Variants in PRKCD observed in about 807,000 individuals in gnomAD.
PRKCD encodes the protein protein kinase C delta type.
A neutral mutation model predicts 82.2 loss-of-function variants in PRKCD; 20 were observed. The observed-to-expected ratio is 0.24, with a 90% CI of 0.17 to 0.35. The LOEUF (loss-of-function observed/expected upper bound fraction) is 0.35. Among genes scored for constraint, PRKCD ranks in the 10% least tolerant of loss-of-function variants. The pLI is 1.00. For missense variants in PRKCD, 607 were observed against 899.0 expected (o/e 0.68, Z 4.15); for synonymous variants, 317 against 337.0 (o/e 0.94, Z 0.65).
intron 7 of PRKCD, among the ~76,000 whole-genome samples, chr3:53,182,871 C>T (rs994379499): frequency 6.6e-6 from 1 of 152,194 alleles, no homozygotes; most frequent in Non-Finnish European, 1.5e-5. Context: ...ACCTCCCTGC[C>T]CACTAGGACT....
chr3:53,176,493 G>A (rs1368847048), intron 2 of PRKCD, among the ~76,000 whole-genome samples: 4 of 152,284 alleles, frequency 2.6e-5, no homozygotes, highest in Non-Finnish European at 5.9e-5. Flanking sequence ...GTGTGTGCAT[G>A]CACACGTGTG....
intron 2 of PRKCD, among the ~76,000 whole-genome samples, chr3:53,172,217 C>A (rs1187644786): frequency 6.6e-6 from 1 of 152,080 alleles, no homozygotes; most frequent in Non-Finnish European, 1.5e-5. Flanking sequence ...TCCCCTCCCA[C>A]CTCCTGTTCC....
At chr3:53,178,002 C>A (rs1290051173) in intron 2 of PRKCD, among the ~76,000 whole-genome samples, 4 of 143,810 alleles carry the variant, frequency 2.8e-5, no homozygotes, top group Non-Finnish European at 4.5e-5. Context: ...CTGGAGTGTA[C>A]TGGTGCGATC....
At position 53,185,669 on chromosome 3, in the gene PRKCD, G is replaced by C. The variant is rs868932219; in HGVS notation, c.954G>C (p.Lys318Asn). ...TTGGGATATATCAGGGTTTCGAGAAGAAGACCGGAGTTGCTGGGGAGGACA... is the reference window on the plus strand; with the variant it reads ...TTGGGATATATCAGGGTTTCGAGAACAAGACCGGAGTTGCTGGGGAGGACA... ...EPVGIYQGFE[K>N]KTGVAGEDMQ... The change falls in exon 11 of 19, where the codon AAG becomes AAC. Residue 318 changes from lysine (K) to asparagine (N), a missense_variant. Around this residue, in one of 5 missense-constraint regions of PRKCD, gnomAD observed 85 missense variants for 76.1 expected, o/e 1.12. Coordinates refer to ENST00000330452, the MANE Select transcript of PRKCD (RefSeq NM_006254.4). 1.9e-6 allele frequency: 3 copies of C among 1,612,640 alleles called. No individual in the cohort carries two copies. Among genetic ancestry groups the C allele is most frequent in the Non-Finnish European group, 2.5e-6 (3 of 1,180,022 alleles).
chr3:53,179,804 G>GTGTT (rs2107257744), intron 4 of PRKCD, 28 bp downstream of exon 4: 1 of 1,547,246 alleles, frequency 6.5e-7, no homozygotes, highest in Non-Finnish European at 8.7e-7. Context: ...CGTGCCGTGT[G>GTGTT]TGTGTGTGTG....
chr3:53,181,317 A>G, intron 5 of PRKCD, 50 bp downstream of exon 5: 1 of 1,610,416 alleles, frequency 6.2e-7, no homozygotes, highest in South Asian at 1.1e-5. Context: ...TCAGAGGCAG[A>G]GCCAGCACTG....
intron 11 of PRKCD, 106 bp downstream of exon 11, chr3:53,185,806 G>C: frequency 6.6e-7 from 1 of 1,516,922 alleles, no homozygotes; most frequent in Non-Finnish European, 9.2e-7. Context: ...AGGAACCACC[G>C]GTCCTGGGGA....
At chr3:53,161,494 C>T (rs1702657135) in intron 1 of PRKCD, 66 bp downstream of exon 1, 1 of 152,098 alleles carries the variant, frequency 6.6e-6, no homozygotes, top group South Asian at 2.1e-4. Context: ...CCTTCCTTCC[C>T]CCTTCCCGCC....
rs549885148 is a variant in PRKCD at position 53,167,251 on chromosome 3, C to T, written c.-20+2036C>T. 5.3e-5 allele frequency among the ~76,000 whole-genome samples: 8 copies of T among 152,304 alleles called. No individual in the cohort carries two copies. The East Asian group carries it at 9.6e-4, about 18-fold the overall frequency. On this transcript the variant is annotated intron_variant, in intron 2 of 18. Coordinates refer to ENST00000330452, the MANE Select transcript of PRKCD (RefSeq NM_006254.4). ...CTGCCTTGCCTGCCCAGGGGAGCAG[C>T]GTCTGGCCACCGGGTTAGGCTGACT... is the stretch of plus-strand genomic sequence containing the variant.
chr3:53,167,729 GTGGGACTGA>G (rs1180110132), intron 2 of PRKCD, among the ~76,000 whole-genome samples: 2 of 152,252 alleles, frequency 1.3e-5, no homozygotes, highest in Non-Finnish European at 2.9e-5. Flanking sequence ...AAAATAGCAA[GTGGGACTGA>G]TGAGGGGGTA....
chr3:53,184,691 AGAG>A (rs1427925908), intron 9 of PRKCD, among the ~76,000 whole-genome samples, 180 bp from the exon 10 acceptor site: 65 of 92,816 alleles, frequency 7.0e-4, no homozygotes, highest in East Asian at 4.9e-3. Context: ...AAAAAAAAAA[AGAG>A]AGAGAGAGAG....
intron 2 of PRKCD, among the ~76,000 whole-genome samples, chr3:53,175,821 A>C (rs1388334361): frequency 1.3e-5 from 2 of 152,080 alleles, no homozygotes; most frequent in African/African-American, 4.8e-5. Flanking sequence ...CCCAGGGAGC[A>C]CTCACCTGGG....
chr3:53,192,251 C>T lies in PRKCD; in HGVS notation c.2016C>T (p.His672=), dbSNP rs1553671108. 6.2e-7 allele frequency: 1 copy of T among 1,614,136 alleles called. No homozygotes were observed. Among genetic ancestry groups the T allele is most frequent in the South Asian group, 1.1e-5 (1 of 91,092 alleles). ...CCTTTGTGAACCCCAAATTCGAGCA[C>T]CTCCTGGAAGATTGAGGTTCCTGGA... ...GFSFVNPKFE[H]LLED is the part of the protein sequence containing the mutation. The change falls in exon 19 of 19, where the codon CAC becomes CAT. Residue 672 remains histidine, a synonymous_variant. Coordinates refer to ENST00000330452, the MANE Select transcript of PRKCD (RefSeq NM_006254.4).
At chr3:53,173,140 C>T (rs782228936) in intron 2 of PRKCD, among the ~76,000 whole-genome samples, 2 of 152,234 alleles carry the variant, frequency 1.3e-5, no homozygotes, top group Non-Finnish European at 2.9e-5. Context: ...TTCCTGCTGG[C>T]GCTCCTCAGG....
chr3:53,184,753 C>T (rs73076230), intron 9 of PRKCD, 121 bp from the exon 10 acceptor site: 9,243 of 658,860 alleles, frequency 0.014, 84 homozygotes, highest in Non-Finnish European at 0.018. Context: ...TTCCTAGAAA[C>T]TGGAACCCAG....
chr3:53,175,092 T>A (rs554716236), intron 2 of PRKCD, among the ~76,000 whole-genome samples: 2 of 151,914 alleles, frequency 1.3e-5, no homozygotes, highest in Non-Finnish European at 2.9e-5. Context: ...GGGGAAGCCA[T>A]GGAGCCTGTG....
rs781825801 is a variant in PRKCD, at chr3:53,181,839, C to T, written c.571+107C>T. 2.6e-5 allele frequency: 39 copies of T among 1,519,946 alleles called. 1 individual carries two copies. The highest frequency in any genetic ancestry group is 9.2e-5 in the Admixed American group (5 of 54,202). 94.2% of individuals were successfully genotyped at this position (1,519,946 alleles called of 1,614,324 possible). A position where few individuals can be genotyped will look rare whatever the true frequency, so the allele number is the denominator to read the frequency against. On this transcript the variant is annotated intron_variant, in intron 7 of 18. Transcript: ENST00000330452. ...TGTGTGCGCTCAGAGAGTGTATGCA[C>T]GTGAGTTTTCCCAGTGTAGATACAG...
At position 53,161,288 on chromosome 3, in the gene PRKCD, C is replaced by G. The variant is rs1264103372; in HGVS notation, c.-272C>G. Reference sequence around the variant, plus strand: ...CGAGCGACCCCCGGCGCCCGCCCGCCGCGCGGAGGCCCGGGCCACACCTCA... The same window carrying G: ...CGAGCGACCCCCGGCGCCCGCCCGCGGCGCGGAGGCCCGGGCCACACCTCA... On this transcript the variant is annotated 5_prime_UTR_variant, in exon 1 of 19. Transcript: ENST00000330452. 4.7e-5 allele frequency: 7 copies of G among 149,734 alleles called. No homozygotes were observed. Among genetic ancestry groups the G allele is most frequent in the African/African-American group, 1.7e-4 (7 of 41,152 alleles). The allele number at this position is 149,734 out of a possible 1,614,324, so 9.3% of individuals were successfully genotyped here. A position where few individuals can be genotyped will look rare whatever the true frequency, so the allele number is the denominator to read the frequency against.
At position 53,184,616 on chromosome 3, in the gene PRKCD, G is replaced by A. The variant is rs188509218; in HGVS notation, c.788-258G>A. Among the ~76,000 whole-genome samples the A allele has an allele frequency of 7.1e-3, 1,067 of 151,264 alleles. 13 individuals carry two copies. Among genetic ancestry groups the A allele is most frequent in the African/African-American group, 0.025 (1,016 of 41,140 alleles). On this transcript the variant is annotated intron_variant, in intron 9 of 18. Coordinates refer to ENST00000330452, the MANE Select transcript of PRKCD (RefSeq NM_006254.4). ...CTTGAACCCAGGAGGCAGAGGTTGC[G>A]GTGAGCCGAGATTGCGCCACTGCAC...
Sources: gnomAD v4.1 joint callset for allele counts (sites outside exome capture counted in the v4.1 genomes callset) on GRCh38, gnomAD v4.1.1 for gene constraint, gnomAD v4.1.1 regional missense constraint, MANE v1.5 for transcripts, NCBI Gene and HGNC (gene_info 2026-07-23, HGNC 2026-07-21) for gene names.